NAALADL2: variants seen among roughly 807,000 people sequenced by gnomAD.
NAALADL2 encodes inactive N-acetylated-alpha-linked acidic dipeptidase-like protein 2.
NAALADL2 carries 76 observed loss-of-function variants against 87.2 expected under a neutral mutation model. The observed-to-expected ratio is 0.87, with a 90% CI of 0.72 to 1.05. The LOEUF is 1.05. NAALADL2 is among the 50% of genes least tolerant of loss of function. The pLI, the probability that NAALADL2 is intolerant of heterozygous loss-of-function variation, is 0.00. For synonymous variants in NAALADL2, 354 were observed against 331.0 expected, an observed-to-expected ratio of 1.07 and a Z score of -0.75; for missense variants, 1,089 against 945.8, an observed-to-expected ratio of 1.15 and a Z score of -1.99.
intron 3 of NAALADL2, among the ~76,000 whole-genome samples, chr3:174,762,599 A>T (rs909084184): frequency 1.3e-5 from 2 of 151,978 alleles, no homozygotes; most frequent in African/African-American, 4.8e-5. Flanking sequence ...GTGGAAAAAA[A>T]TATTGAAATA....
At chr3:175,239,531 G>T (rs184051961) in intron 3 of NAALADL2, among the ~76,000 whole-genome samples, 56 of 152,272 alleles carry the variant, frequency 3.7e-4, no homozygotes, top group African/African-American at 1.1e-3. Context: ...CCAAGTTGTT[G>T]CTGAGCAAGA....
intron 2 of NAALADL2, among the ~76,000 whole-genome samples, chr3:174,621,183 G>A (rs763257044): frequency 4.6e-5 from 7 of 152,042 alleles, no homozygotes; most frequent in Non-Finnish European, 8.8e-5. Context: ...AGCTTCTCTA[G>A]TAATTTGAGG....
At chr3:175,624,120 G>T (rs894462514) in intron 10 of NAALADL2, among the ~76,000 whole-genome samples, 3 of 151,902 alleles carry the variant, frequency 2.0e-5, no homozygotes, top group East Asian at 3.9e-4. Flanking sequence ...TGAAGGGAGA[G>T]GATGTAAAAA....
At position 175,281,266 on chromosome 3, in the gene NAALADL2, A is replaced by G. The variant is rs1437020294; in HGVS notation, c.939+24736A>G. 4.6e-5 allele frequency among the ~76,000 whole-genome samples: 7 copies of G among 151,912 alleles called. No homozygotes were observed. In the South Asian group the frequency reaches 6.2e-4, roughly 13 times the overall value. Reference sequence around the variant, plus strand: ...CCAATTTTAAATAATTTTACATGGTATATATTTTTGTGTTACTTTCCTTAG... The same window carrying G: ...CCAATTTTAAATAATTTTACATGGTGTATATTTTTGTGTTACTTTCCTTAG... On this transcript the variant is annotated intron_variant, in intron 4 of 13. Transcript: ENST00000454872.
intron 1 of NAALADL2, among the ~76,000 whole-genome samples, chr3:175,039,838 T>C (rs1329043077): frequency 2.6e-5 from 4 of 152,208 alleles, no homozygotes; most frequent in Non-Finnish European, 5.9e-5. Flanking sequence ...TTGATACTTA[T>C]GTAGCTTCTT....
chr3:175,485,624 G>A (rs1727145798), intron 9 of NAALADL2, among the ~76,000 whole-genome samples: 2 of 152,258 alleles, frequency 1.3e-5, no homozygotes, highest in South Asian at 4.1e-4. Flanking sequence ...CATCCAGCAG[G>A]GGAGAAAGAT....
intron 1 of NAALADL2, among the ~76,000 whole-genome samples, chr3:174,990,949 A>T (rs1261603328): frequency 6.6e-6 from 1 of 152,180 alleles, no homozygotes; most frequent in African/African-American, 2.4e-5. Context: ...GAGCCATTAC[A>T]GAATCCTGTT....
intron 11 of NAALADL2, among the ~76,000 whole-genome samples, chr3:175,639,724 A>G (rs1729043575): frequency 6.6e-6 from 1 of 152,140 alleles, no homozygotes; most frequent in Non-Finnish European, 1.5e-5. Flanking sequence ...AAAATCACTT[A>G]CTGGATATGT....
intron 2 of NAALADL2, among the ~76,000 whole-genome samples, chr3:174,649,036 C>T (rs1418532891): frequency 6.6e-6 from 1 of 152,120 alleles, no homozygotes; most frequent in Admixed American, 6.6e-5. Flanking sequence ...CCTTGGCTCA[C>T]TGCAACCTCT....
chr3:175,477,194 CT>C (rs1445134567), intron 9 of NAALADL2, among the ~76,000 whole-genome samples: 3 of 152,078 alleles, frequency 2.0e-5, no homozygotes, highest in Non-Finnish European at 2.9e-5. Context: ...TAGCTTAGAA[CT>C]TTACAGATGT....
intron 5 of NAALADL2, among the ~76,000 whole-genome samples, chr3:175,443,560 C>CTA (rs2149210909): frequency 6.6e-6 from 1 of 152,238 alleles, no homozygotes; most frequent in African/African-American, 2.4e-5. Context: ...GAAAGCATAA[C>CTA]TATATAGCAA....
At chr3:174,622,712 T>G (rs1721128484) in intron 2 of NAALADL2, among the ~76,000 whole-genome samples, 1 of 152,190 alleles carries the variant, frequency 6.6e-6, no homozygotes, top group Non-Finnish European at 1.5e-5. Context: ...ACTGTACTGA[T>G]TTATCCATAT....
chr3:175,344,669 T>A (rs1762942185), intron 5 of NAALADL2, among the ~76,000 whole-genome samples: 1 of 152,102 alleles, frequency 6.6e-6, no homozygotes. Flanking sequence ...CACTGTTCCC[T>A]GCCTTATCCA....
At chr3:174,512,761 ATCT>A (rs540816674) in intron 1 of NAALADL2, among the ~76,000 whole-genome samples, 19 of 151,972 alleles carry the variant, frequency 1.3e-4, no homozygotes, top group African/African-American at 3.6e-4. Flanking sequence ...ATGGGGATTG[ATCT>A]TCTTGTTTCC....
intron 1 of NAALADL2, among the ~76,000 whole-genome samples, chr3:174,465,383 A>G (rs538195941): frequency 3.3e-5 from 5 of 152,274 alleles, no homozygotes; most frequent in African/African-American, 7.2e-5. Flanking sequence ...GTATCTGTCT[A>G]ATACAGAGTT....
At chr3:175,504,326 T>G (rs1308079013) in intron 9 of NAALADL2, among the ~76,000 whole-genome samples, 1 of 152,182 alleles carries the variant, frequency 6.6e-6, no homozygotes, top group Non-Finnish European at 1.5e-5. Context: ...AATGAATATA[T>G]GTTGCATGTG....
chr3:175,652,482 T>TC (rs568087011), intron 11 of NAALADL2, among the ~76,000 whole-genome samples: 248 of 146,662 alleles, frequency 1.7e-3, no homozygotes, highest in African/African-American at 6.0e-3. Flanking sequence ...TTTCTTTCTT[T>TC]TTTTTTTTTT....
At chr3:175,616,852 G>A (rs1157926856) in intron 10 of NAALADL2, among the ~76,000 whole-genome samples, 1 of 152,118 alleles carries the variant, frequency 6.6e-6, no homozygotes, top group Non-Finnish European at 1.5e-5. Context: ...CGTAGCTTCT[G>A]CTTTTAAGGG....
rs930547938 is a variant in NAALADL2, at chr3:175,000,093, T to G, written c.44-96697T>G. On this transcript the variant is annotated intron_variant, in intron 1 of 13. Transcript: ENST00000454872. ...CCTTAAATCTAAAATATAAATAAAC[T>G]TCAGCTAGTAGCTCAGTTCAATTTA... 3.3e-5 allele frequency among the ~76,000 whole-genome samples: 5 copies of G among 152,294 alleles called. No homozygotes were observed. In the East Asian group the frequency reaches 9.6e-4, roughly 29 times the overall value.
Sources: allele counts gnomAD v4.1 joint callset (sites outside exome capture counted in the v4.1 genomes callset), GRCh38; gene constraint gnomAD v4.1.1; transcripts MANE v1.5; gene names NCBI Gene and HGNC (gene_info 2026-07-23, HGNC 2026-07-21).